The following CNTNAP4 variants were observed in gnomAD, a reference collection of about 807,000 sequenced individuals.
CNTNAP4 encodes contactin associated protein family member 4.
In CNTNAP4, 98 loss-of-function variants were observed where a neutral mutation model predicts 148.4. That is an observed-to-expected ratio of 0.66 (90% confidence interval 0.56 to 0.78). CNTNAP4 has a LOEUF of 0.78. CNTNAP4 is among the 30% of genes least tolerant of loss of function. The pLI is 0.00. For missense variants in CNTNAP4, 1,935 were observed against 1,565.6 expected (o/e 1.24, Z -3.98); for synonymous variants, 730 against 565.1 (o/e 1.29, Z -4.14).
chr16:76,364,350 G>T (rs1171719948), intron 3 of CNTNAP4, among the ~76,000 whole-genome samples: 1 of 151,232 alleles, frequency 6.6e-6, no homozygotes, highest in Non-Finnish European at 1.5e-5. Flanking sequence ...GTCTTTAAAT[G>T]GATCTGTTTG....
At chr16:76,533,060 A>G (rs1356475489) in intron 17 of CNTNAP4, among the ~76,000 whole-genome samples, 2 of 152,190 alleles carry the variant, frequency 1.3e-5, no homozygotes, top group Non-Finnish European at 2.9e-5. Context: ...AACACTATTG[A>G]CAATAGCCAA....
chr16:76,318,983 G>C (rs1962121942), intron 2 of CNTNAP4, among the ~76,000 whole-genome samples: 1 of 151,846 alleles, frequency 6.6e-6, no homozygotes, highest in Admixed American at 6.6e-5. Context: ...CCAAAGAATA[G>C]AGCAAAAAAA....
At chr16:76,441,175 TTG>T (rs1312153645) in intron 4 of CNTNAP4, among the ~76,000 whole-genome samples, 1 of 152,014 alleles carries the variant, frequency 6.6e-6, no homozygotes, top group Non-Finnish European at 1.5e-5. Context: ...CATCTCAGGG[TTG>T]TGTGTCTTCC....
intron 15 of CNTNAP4, among the ~76,000 whole-genome samples, chr16:76,516,004 C>T (rs2083233747): frequency 6.6e-6 from 1 of 152,102 alleles, no homozygotes; most frequent in Non-Finnish European, 1.5e-5. Flanking sequence ...GTGTATGTGC[C>T]ACAGGCGTTG....
intron 5 of CNTNAP4, 27 bp from the exon 6 acceptor site, chr16:76,448,740 G>A: frequency 1.3e-6 from 2 of 1,530,164 alleles, no homozygotes; most frequent in Non-Finnish European, 1.8e-6. Flanking sequence ...GGCAATAATG[G>A]TGCTGTTATT....
chr16:76,324,926 C>T (rs1567708573), intron 2 of CNTNAP4, among the ~76,000 whole-genome samples: 1 of 152,222 alleles, frequency 6.6e-6, no homozygotes, highest in African/African-American at 2.4e-5. Flanking sequence ...ATTAGGGCTT[C>T]AGCCTGTGAA....
intron 3 of CNTNAP4, among the ~76,000 whole-genome samples, chr16:76,369,285 T>C (rs942085923): frequency 2.0e-5 from 3 of 152,188 alleles, no homozygotes; most frequent in Non-Finnish European, 4.4e-5. Flanking sequence ...TTCTTTAAAA[T>C]TTTTAAGCTA....
chr16:76,491,130 CCTT>C (rs1555574548), intron 13 of CNTNAP4, among the ~76,000 whole-genome samples: 1 of 152,038 alleles, frequency 6.6e-6, no homozygotes, highest in Non-Finnish European at 1.5e-5. Context: ...GCCCCCTTGC[CCTT>C]CTTCTCCTCT....
At chr16:76,378,884 T>C (rs543308703) in intron 3 of CNTNAP4, among the ~76,000 whole-genome samples, 3 of 152,328 alleles carry the variant, frequency 2.0e-5, no homozygotes, top group South Asian at 4.1e-4. Flanking sequence ...AGGAGGAACC[T>C]GAGCCATCTT....
chr16:76,494,934 T>G lies in CNTNAP4; in HGVS notation c.2105T>G (p.Val702Gly). The change falls in exon 14 of 24, where the codon GTA becomes GGA. Residue 702 changes from valine to glycine, a missense_variant. Transcript: ENST00000611870. ...GATGGAACCCCTCTGAGTTGGTGGG[T>G]AGGAAGAACCAATGAAACGCAAACC... Reference protein sequence around the residue: ...KQDGTPLSWWVGRTNETQTYW... With the variant: ...KQDGTPLSWWGGRTNETQTYW... 2 of 1,613,514 alleles carry G rather than the reference T, an allele frequency of 1.2e-6. No individual in the cohort carries two copies. Among genetic ancestry groups the G allele is most frequent in the Non-Finnish European group, 1.7e-6 (2 of 1,179,552 alleles).
At chr16:76,466,608 T>G (rs1041162520) in intron 9 of CNTNAP4, among the ~76,000 whole-genome samples, 33 of 152,182 alleles carry the variant, frequency 2.2e-4, no homozygotes, top group Admixed American at 9.8e-4. Flanking sequence ...TCCACTTGGA[T>G]AGAGAAACAT....
At chr16:76,365,095 C>G (rs199518001) in intron 3 of CNTNAP4, among the ~76,000 whole-genome samples, 1 of 152,166 alleles carries the variant, frequency 6.6e-6, no homozygotes, top group African/African-American at 2.4e-5. Flanking sequence ...CTGCATACGG[C>G]TAGCCAGTTT....
At chr16:76,491,120 G>A (rs1291534256) in intron 13 of CNTNAP4, among the ~76,000 whole-genome samples, 3 of 151,996 alleles carry the variant, frequency 2.0e-5, no homozygotes, top group Non-Finnish European at 4.4e-5. Flanking sequence ...GTGACTGACT[G>A]CCCCCTTGCC....
chr16:76,341,311 G>A (rs1283763522), intron 2 of CNTNAP4, among the ~76,000 whole-genome samples: 1 of 152,080 alleles, frequency 6.6e-6, no homozygotes, highest in Non-Finnish European at 1.5e-5. Context: ...ATGTCTAGAT[G>A]GTGTTCCATT....
rs779339102 is a variant in CNTNAP4 at position 76,489,872 on chromosome 16, T to A, written c.2069T>A (p.Val690Asp). ...FTYYCKKSRLVNKQDGTPLSW... is the reference protein window; with the variant it reads ...FTYYCKKSRLDNKQDGTPLSW... ...TATTACTGCAAGAAGTCACGGCTGG[T>A]CAATAAGCAAGGTAAGTAAACCATG... Residue 690 changes from valine to aspartate, a missense_variant, in exon 13 of 24, where the codon GTC (valine) becomes GAC (aspartate). Physicochemically the swap from Val to Asp is radical, Grantham distance 152. Coordinates refer to ENST00000611870, the MANE Select transcript of CNTNAP4 (RefSeq NM_033401.5). 1.5e-5 allele frequency: 23 copies of A among 1,551,940 alleles called. No individual in the cohort carries two copies. Among genetic ancestry groups the A allele is most frequent in the Middle Eastern group, 1.8e-4 (1 of 5,706 alleles).
intron 4 of CNTNAP4, among the ~76,000 whole-genome samples, chr16:76,438,106 AGATT>A (rs1387467126): frequency 6.6e-6 from 1 of 152,130 alleles, no homozygotes; most frequent in Non-Finnish European, 1.5e-5. Flanking sequence ...GAAAATAGCT[AGATT>A]TTACTAGGAA....
intron 15 of CNTNAP4, among the ~76,000 whole-genome samples, chr16:76,504,032 T>G (rs1350395810): frequency 6.6e-6 from 1 of 152,048 alleles, no homozygotes; most frequent in Non-Finnish European, 1.5e-5. Flanking sequence ...ATATATAGAC[T>G]GAAAACTATC....
Position 76,479,508 on chromosome 16 carries a change from G to A in CNTNAP4, c.1852G>A (p.Glu618Lys), listed in dbSNP as rs762911142. 8 of 1,610,346 alleles carry A rather than the reference G, an allele frequency of 5.0e-6. No individual in the cohort carries two copies. Among genetic ancestry groups the A allele is most frequent in the Non-Finnish European group, 5.1e-6 (6 of 1,178,578 alleles). ...YIDSDGSGPL[E>K]PFLLYCNMTE... ...AGATTCAGATGGAAGTGGTCCCCTG[G>A]AACCATTTCTTCTATATTGCAATAT... Residue 618 changes from glutamate to lysine, a missense_variant, in exon 12 of 24, where the codon GAA (glutamate) becomes AAA (lysine). Coordinates refer to ENST00000611870, the MANE Select transcript of CNTNAP4 (RefSeq NM_033401.5).
At chr16:76,317,107 T>C (rs982687439) in intron 2 of CNTNAP4, among the ~76,000 whole-genome samples, 7 of 113,726 alleles carry the variant, frequency 6.2e-5, no homozygotes, top group Non-Finnish European at 1.3e-4. Context: ...CTCTACAAAA[T>C]AATAAAAATA....
Sources: allele counts gnomAD v4.1 joint callset (sites outside exome capture counted in the v4.1 genomes callset), GRCh38; gene constraint gnomAD v4.1.1; transcripts MANE v1.5; gene names NCBI Gene and HGNC (gene_info 2026-07-23, HGNC 2026-07-21).